WASHC5: variants seen among roughly 807,000 people sequenced by gnomAD.
The protein encoded by WASHC5 is WASH complex subunit strumpellin.
Under a neutral mutation model 150.4 loss-of-function variants are expected in WASHC5, and 101 were observed. The observed-to-expected ratio is 0.67, with a 90% confidence interval of 0.57 to 0.79. WASHC5 has a LOEUF of 0.79. WASHC5 is among the 30% of genes least tolerant of loss of function. The pLI is 0.00. For synonymous variants in WASHC5, 467 were observed against 491.2 expected (o/e 0.95, Z 0.65); for missense variants, 1,195 against 1,396.3 (o/e 0.86, Z 2.30).
intron 1 of WASHC5, among the ~76,000 whole-genome samples, chr8:125,084,562 C>T (rs1185783358): frequency 3.3e-5 from 5 of 152,164 alleles, no homozygotes; most frequent in African/African-American, 1.2e-4. Flanking sequence ...CAAACTGGTC[C>T]AAAAGTCTCA....
At chr8:125,051,136 AC>A (rs1379747631) in intron 17 of WASHC5, among the ~76,000 whole-genome samples, 9 of 152,136 alleles carry the variant, frequency 5.9e-5, no homozygotes, top group Non-Finnish European at 1.0e-4. Flanking sequence ...AGGTCGGGCC[AC>A]TCTGTAAATT....
At chr8:125,074,560 T>C (rs750870124) in intron 8 of WASHC5, among the ~76,000 whole-genome samples, 2 of 152,202 alleles carry the variant, frequency 1.3e-5, no homozygotes, top group Non-Finnish European at 2.9e-5. Context: ...TTGAGTCTTG[T>C]TGCTTATTTA....
chr8:125,059,793 C>G (rs959428310), intron 12 of WASHC5, among the ~76,000 whole-genome samples: 2 of 152,146 alleles, frequency 1.3e-5, no homozygotes, highest in African/African-American at 4.8e-5. Context: ...TTATTAAGTT[C>G]TTTTGATGCA....
chr8:125,081,485 G>C (rs1817260704), intron 5 of WASHC5, among the ~76,000 whole-genome samples, 176 bp downstream of exon 5: 1 of 152,162 alleles, frequency 6.6e-6, no homozygotes, highest in African/African-American at 2.4e-5. Context: ...TGATCTGCCT[G>C]CCTTGGCCTC....
intron 20 of WASHC5, among the ~76,000 whole-genome samples, chr8:125,045,741 C>T (rs965291957): frequency 2.0e-5 from 3 of 152,222 alleles, no homozygotes; most frequent in African/African-American, 7.2e-5. Context: ...CAACTTCCAT[C>T]TGCTTGCTTC....
At chr8:125,044,961 T>C (rs1422730905) in intron 20 of WASHC5, 1 of 477,506 alleles carries the variant, frequency 2.1e-6, no homozygotes, top group African/African-American at 2.0e-5. Flanking sequence ...AGTTAGGGTG[T>C]TGACTTGGAA....
At chr8:125,044,202 C>T in intron 21 of WASHC5, 108 bp from the exon 22 acceptor site, 2 of 797,734 alleles carry the variant, frequency 2.5e-6, no homozygotes, top group Non-Finnish European at 4.3e-6. Context: ...CTAAGTCACA[C>T]AAAACCTCTA....
At chr8:125,079,128 A>ATG (rs1459910237) in intron 5 of WASHC5, among the ~76,000 whole-genome samples, 198 bp from the exon 6 acceptor site, 3 of 118,358 alleles carry the variant, frequency 2.5e-5, no homozygotes, top group African/African-American at 7.7e-5. Context: ...ATATATATAT[A>ATG]TATATATATA....
intron 9 of WASHC5, among the ~76,000 whole-genome samples, chr8:125,070,436 T>A (rs557463783): frequency 6.6e-6 from 1 of 152,350 alleles, no homozygotes; most frequent in South Asian, 2.1e-4. Flanking sequence ...AAGCCAAGGT[T>A]GTCCCTGGCA....
rs773126796 is a variant in WASHC5, at chr8:125,039,882, A to G, written c.2867T>C (p.Ile956Thr). Residue 956 changes from isoleucine to threonine, a missense_variant, in exon 24 of 29, where the codon ATT (isoleucine) becomes ACT (threonine). Physicochemically the swap from Ile to Thr is moderately conservative, Grantham distance 89. Around this residue, in one of 3 missense-constraint regions of WASHC5, gnomAD observed 997 missense variants for 1,168.1 expected, o/e 0.85. Coordinates refer to ENST00000318410, the MANE Select transcript of WASHC5 (RefSeq NM_014846.4). ...EAIMKVGQMQ[I>T]LRQQIANELN... ...TTCATTGGCAATCTGTTGTCTCAGAATCTGCATCTGCCCAACCTGTGCACA... is the reference window on the plus strand; with the variant it reads ...TTCATTGGCAATCTGTTGTCTCAGAGTCTGCATCTGCCCAACCTGTGCACA... 5 of 1,613,080 alleles carry G rather than the reference A, an allele frequency of 3.1e-6. No homozygotes were observed. In the African/African-American group the frequency reaches 5.3e-5, roughly 17 times the overall value.
At chr8:125,046,441 C>A (rs1046886874) in intron 20 of WASHC5, among the ~76,000 whole-genome samples, 8 of 152,192 alleles carry the variant, frequency 5.3e-5, no homozygotes, top group African/African-American at 1.9e-4. Context: ...GCCCACATAA[C>A]CCGTATGTAG....
intron 1 of WASHC5, among the ~76,000 whole-genome samples, chr8:125,088,057 A>G (rs1381795409): frequency 6.6e-6 from 1 of 152,152 alleles, no homozygotes; most frequent in African/African-American, 2.4e-5. Context: ...GCAGCTTTCT[A>G]AAGTGGTCCC....
At chr8:125,085,619 A>G (rs1817397818) in intron 1 of WASHC5, among the ~76,000 whole-genome samples, 1 of 152,132 alleles carries the variant, frequency 6.6e-6, no homozygotes, top group Non-Finnish European at 1.5e-5. Context: ...GCATGTCACT[A>G]CCCAGGTTGT....
chr8:125,034,057 A>T (rs1030327492), intron 26 of WASHC5, among the ~76,000 whole-genome samples: 4 of 61,668 alleles, frequency 6.5e-5, no homozygotes, highest in Admixed American at 2.0e-4. Context: ...ATAAAAAAAA[A>T]ATTTAAAAAC....
At chr8:125,078,660 G>A in intron 6 of WASHC5, 78 bp downstream of exon 6, 1 of 1,169,314 alleles carries the variant, frequency 8.6e-7, no homozygotes, top group Non-Finnish European at 1.3e-6. Context: ...AAAGAAGGAA[G>A]GAAAGGAGTA....
chr8:125,034,273 G>T (rs529145400), intron 26 of WASHC5, among the ~76,000 whole-genome samples: 3 of 152,124 alleles, frequency 2.0e-5, no homozygotes, highest in Non-Finnish European at 4.4e-5. Flanking sequence ...GCCAAGGTGG[G>T]TGGAACACTT....
At chr8:125,079,142 AT>A (rs1554597113) in intron 5 of WASHC5, among the ~76,000 whole-genome samples, 29 of 108,204 alleles carry the variant, frequency 2.7e-4, no homozygotes, top group African/African-American at 1.0e-3. Context: ...ATATATATAC[AT>A]TTTTTTTTGA....
chr8:125,042,094 T>C (rs1469596096), intron 23 of WASHC5, among the ~76,000 whole-genome samples: 1 of 152,196 alleles, frequency 6.6e-6, no homozygotes, highest in Non-Finnish European at 1.5e-5. Flanking sequence ...ACATTTTCTA[T>C]TTTTGGTACT....
At position 125,039,868 on chromosome 8, in the gene WASHC5, T is replaced by C. The variant is rs1381772866; in HGVS notation, c.2881A>G (p.Ile961Val). 2 of 1,613,716 alleles carry C rather than the reference T, an allele frequency of 1.2e-6. No homozygotes were observed. The highest frequency in any genetic ancestry group is 1.7e-6 in the Non-Finnish European group (2 of 1,179,884). The change falls in exon 24 of 29, where the codon ATT becomes GTT. Residue 961 changes from isoleucine to valine, a missense_variant. This residue lies in a region of WASHC5 where 997 missense variants were observed against 1,168.1 expected (regional missense o/e 0.85). Transcript: ENST00000318410. The stretch of plus-strand genomic sequence containing the variant: ...CAAGAATAATTTAATTCATTGGCAA[T>C]CTGTTGTCTCAGAATCTGCATCTGC... Reference protein sequence around the residue: ...VGQMQILRQQIANELNYSCRF... With the variant: ...VGQMQILRQQVANELNYSCRF...
Sources: allele counts gnomAD v4.1 joint callset (sites outside exome capture counted in the v4.1 genomes callset), GRCh38; gene constraint gnomAD v4.1.1; regional missense constraint gnomAD v4.1.1; transcripts MANE v1.5; gene names NCBI Gene and HGNC (gene_info 2026-07-23, HGNC 2026-07-21).